TASOR: variants seen among roughly 807,000 people sequenced by gnomAD.
TASOR encodes protein TASOR.
A neutral mutation model predicts 178.6 loss-of-function variants in TASOR; 53 were observed. The observed-to-expected ratio is 0.30, with a 90% CI of 0.24 to 0.37. The LOEUF is 0.37. Among genes scored for constraint, TASOR ranks in the 10% least tolerant of loss-of-function variants. The probability of loss-of-function intolerance (pLI) is 1.00; values close to 1 mark genes in which losing one functional copy is unlikely to be tolerated. For missense variants in TASOR, 1,815 were observed against 1,971.4 expected, an observed-to-expected ratio of 0.92 and a Z score of 1.50; for synonymous variants, 713 against 696.2, an observed-to-expected ratio of 1.02 and a Z score of -0.38.
chr3:56,644,328 A>G (rs540442808), intron 14 of TASOR, among the ~76,000 whole-genome samples: 1 of 144,220 alleles, frequency 6.9e-6, no homozygotes, highest in African/African-American at 2.7e-5. Context: ...ATGTCACAAG[A>G]TAAGACAGTA....
chr3:56,655,897 T>C (rs1239551875), intron 11 of TASOR, among the ~76,000 whole-genome samples: 1 of 152,348 alleles, frequency 6.6e-6, no homozygotes, highest in South Asian at 2.1e-4. Context: ...ACCCTTCTTA[T>C]GATGACGTGA....
chr3:56,655,554 G>T (rs1228826382), intron 11 of TASOR, among the ~76,000 whole-genome samples: 1 of 152,056 alleles, frequency 6.6e-6, no homozygotes, highest in Non-Finnish European at 1.5e-5. Context: ...GTTGCTTAAG[G>T]CCAGGAGTTT....
At chr3:56,638,514 T>G (rs2077061010) in intron 17 of TASOR, among the ~76,000 whole-genome samples, 192 bp downstream of exon 17, 1 of 152,224 alleles carries the variant, frequency 6.6e-6, no homozygotes, top group African/African-American at 2.4e-5. Flanking sequence ...GTGACTTATC[T>G]GAACACTCTT....
rs974722288 is a variant in TASOR, at chr3:56,683,261, C to T, written c.-255G>A. ...CTGCCTTCCCCCGCCACTCAACGTG[C>T]GCGCGTCGGGGCCGGGAGGGGGCGG... On this transcript the variant is annotated 5_prime_UTR_variant, in exon 1 of 24. Coordinates refer to ENST00000683822, the MANE Select transcript of TASOR (RefSeq NM_001365635.2). The T allele has an allele frequency of 2.4e-6, 1 of 410,814 alleles. No individual in the cohort carries two copies. Among genetic ancestry groups the T allele is most frequent in the Non-Finnish European group, 4.3e-6 (1 of 232,708 alleles). The allele number at this position is 410,814 out of a possible 1,614,324, so 25.4% of individuals were successfully genotyped here.
chr3:56,635,451 G>A (rs781380182), intron 17 of TASOR, among the ~76,000 whole-genome samples: 6 of 151,626 alleles, frequency 4.0e-5, no homozygotes, highest in African/African-American at 7.3e-5. Context: ...AAGGATACAC[G>A]AGAAATTGGT....
rs1284293236 is a variant in TASOR, at chr3:56,638,143, T to A, written c.2824+563A>T. On this transcript the variant is annotated intron_variant, in intron 17 of 23. Transcript: ENST00000683822. ...ACTTTGGGAGGCTGAAGCAGGTGGA[T>A]CACCTGAGGTCAGGAGTTTGAGACC... 1.3e-5 allele frequency among the ~76,000 whole-genome samples: 2 copies of A among 152,234 alleles called. 1 individual carries two copies. The highest frequency in any genetic ancestry group is 6.8e-3 in the Middle Eastern group (2 of 294).
At chr3:56,636,461 G>A (rs2077019741) in intron 17 of TASOR, among the ~76,000 whole-genome samples, 1 of 148,650 alleles carries the variant, frequency 6.7e-6, no homozygotes, top group Non-Finnish European at 1.5e-5. Context: ...CTGGAGTGCA[G>A]TGGTGAGATC....
At chr3:56,682,637 G>C in intron 1 of TASOR, 39 bp downstream of exon 1, 1 of 1,415,608 alleles carries the variant, frequency 7.1e-7, no homozygotes. Context: ...AAGATGGAGG[G>C]GAGAGAGAGA....
intron 17 of TASOR, among the ~76,000 whole-genome samples, chr3:56,638,351 G>A (rs2077057401): frequency 6.6e-6 from 1 of 152,096 alleles, no homozygotes; most frequent in South Asian, 2.1e-4. Context: ...GGGTGACAGA[G>A]CAAGCTTCCA....
chr3:56,646,461 C>A, intron 14 of TASOR, 61 bp downstream of exon 14: 2 of 1,388,550 alleles, frequency 1.4e-6, no homozygotes, highest in Non-Finnish European at 9.8e-7. Context: ...CGCCCCTCTG[C>A]TACAAGAAAG....
Position 56,622,239 on chromosome 3 carries a change from T to C in TASOR, c.*798A>G, listed in dbSNP as rs1295227293. 3.3e-5 allele frequency: 5 copies of C among 152,208 alleles called. No individual in the cohort carries two copies. The highest frequency in any genetic ancestry group is 1.2e-4 in the African/African-American group (5 of 41,454). 9.4% of individuals were successfully genotyped at this position (152,208 alleles called of 1,614,324 possible). A position where few individuals can be genotyped will look rare whatever the true frequency, so the allele number is the denominator to read the frequency against. ...ATACGGGTTTGAAAGCTATCTCCACTGTATCTGTCTAGTATAGCATTAATG... is the reference window on the plus strand; with the variant it reads ...ATACGGGTTTGAAAGCTATCTCCACCGTATCTGTCTAGTATAGCATTAATG... On this transcript the variant is annotated 3_prime_UTR_variant, in exon 24 of 24. Transcript: ENST00000683822.
intron 9 of TASOR, among the ~76,000 whole-genome samples, chr3:56,661,440 G>A (rs777008040): frequency 6.6e-6 from 1 of 152,192 alleles, no homozygotes; most frequent in Non-Finnish European, 1.5e-5. Context: ...ACATGAGTGA[G>A]CCACTGTGCC....
At position 56,624,556 on chromosome 3, in the gene TASOR, A is replaced by C; in HGVS notation, c.4406T>G (p.Leu1469Arg). ...AEDFMQNFKN[L>R]VGYHNSITEE... ...TGTGATTGAATTGTGATAGCCCACA[A>C]GATTTTTAAAGTTTTGCATGAAGTC... Residue 1469 changes from leucine to arginine, a missense_variant, in exon 23 of 24, where the codon CTT becomes CGT. By Grantham distance (102) the Leu-to-Arg change is moderately radical. Coordinates refer to ENST00000683822, the MANE Select transcript of TASOR (RefSeq NM_001365635.2). 1 of 1,614,154 alleles carries C rather than the reference A, an allele frequency of 6.2e-7. No individual in the cohort carries two copies. The highest frequency in any genetic ancestry group is 2.2e-5 in the East Asian group (1 of 44,866).
chr3:56,671,331 T>G (rs557863391), intron 3 of TASOR: 2 of 258,032 alleles, frequency 7.8e-6, no homozygotes, highest in East Asian at 1.7e-4. Flanking sequence ...AGAGCAAGAC[T>G]CCATCTCAGA....
At position 56,628,626 on chromosome 3, in the gene TASOR, AAAC is replaced by A. The variant is rs2076845312; in HGVS notation, c.3748-15_3748-13del. 2 of 1,501,616 alleles carry A rather than the reference AAAC, an allele frequency of 1.3e-6. No individual in the cohort carries two copies. Among genetic ancestry groups the A allele is most frequent in the African/African-American group, 2.8e-5 (2 of 71,202 alleles). 93.0% of individuals were successfully genotyped at this position (1,501,616 alleles called of 1,614,324 possible). ...TTGATAAGATATTCCTGTTAAAGAA[AAAC>A]AACTAAATCAATATTAAAATACTTC... On this transcript the variant is annotated splice_polypyrimidine_tract_variant and intron_variant, in intron 18 of 23. Transcript: ENST00000683822.
intron 6 of TASOR, among the ~76,000 whole-genome samples, chr3:56,666,925 T>C (rs978824386): frequency 6.6e-6 from 1 of 152,236 alleles, no homozygotes; most frequent in Non-Finnish European, 1.5e-5. Flanking sequence ...TTCAGTATAG[T>C]ACAGTTTTGT....
At position 56,635,129 on chromosome 3, in the gene TASOR, A is replaced by G. The variant is rs137967921; in HGVS notation, c.2825-1163T>C. On this transcript the variant is annotated intron_variant, in intron 17 of 23. Coordinates refer to ENST00000683822, the MANE Select transcript of TASOR (RefSeq NM_001365635.2). The stretch of plus-strand genomic sequence containing the variant: ...TTGCTCACACTCATCACACTTTTCT[A>G]AAGGTTTAAATAGCCTCACTAGGAG... Among the ~76,000 whole-genome samples, 28 of 152,342 alleles carry G rather than the reference A, an allele frequency of 1.8e-4. No homozygotes were observed. In the East Asian group the frequency reaches 5.4e-3, roughly 29 times the overall value.
intron 14 of TASOR, among the ~76,000 whole-genome samples, chr3:56,643,316 C>T (rs2077166471): frequency 1.3e-5 from 2 of 150,678 alleles, no homozygotes; most frequent in South Asian, 4.2e-4. Context: ...GCTGTCAAAA[C>T]TAATCATACT....
intron 21 of TASOR, among the ~76,000 whole-genome samples, chr3:56,626,180 G>A (rs538658849): frequency 1.1e-4 from 16 of 152,172 alleles, no homozygotes; most frequent in Middle Eastern, 6.8e-3. Flanking sequence ...GACTTTACTA[G>A]TAGAATATAG....
Sources: gnomAD v4.1 joint callset for allele counts (sites outside exome capture counted in the v4.1 genomes callset) on GRCh38, gnomAD v4.1.1 for gene constraint, MANE v1.5 for transcripts, NCBI Gene and HGNC (gene_info 2026-07-23, HGNC 2026-07-21) for gene names.